The following PRKG1 variants were observed in gnomAD, a reference collection of about 807,000 sequenced individuals.
The protein encoded by PRKG1 is cGMP-dependent protein kinase 1.
Under a neutral mutation model 88.1 loss-of-function variants are expected in PRKG1, and 35 were observed. The observed-to-expected ratio is 0.40, with a 90% CI of 0.30 to 0.53. The LOEUF is 0.53. Among genes scored for constraint, PRKG1 ranks in the 20% least tolerant of loss-of-function variants. PRKG1 has a pLI of 0.59. For synonymous variants in PRKG1, 303 were observed against 292.5 expected (o/e 1.04, Z -0.37); for missense variants, 540 against 839.8 (o/e 0.64, Z 4.41).
chr10:51,278,245 T>C (rs11594433), intron 2 of PRKG1, among the ~76,000 whole-genome samples: 32,751 of 152,022 alleles, frequency 0.22, 4,706 homozygotes, highest in African/African-American at 0.41. Context: ...TGTTTGTATG[T>C]TGGATTACGT....
intron 17 of PRKG1, among the ~76,000 whole-genome samples, chr10:52,291,213 G>A (rs1210766093): frequency 4.0e-5 from 6 of 151,442 alleles, no homozygotes; most frequent in East Asian, 1.9e-4. Context: ...TGAGCACCGC[G>A]CTGGGCCTAC....
rs113146187 is a variant in PRKG1 at position 51,045,307 on chromosome 10, A to ATATT, written c.266+53689_266+53692dup. 2.5e-3 allele frequency among the ~76,000 whole-genome samples: 378 copies of ATATT among 150,960 alleles called. 1 individual carries two copies. Among genetic ancestry groups the ATATT allele is most frequent in the African/African-American group, 5.9e-3 (240 of 40,764 alleles). ...TGTTTTAGAACTACCATAGAAAAAA[A>ATATT]TATTTATTTATTTATTTATTTATTT... On this transcript the variant is annotated intron_variant, in intron 1 of 17. Transcript: ENST00000401604.
intron 2 of PRKG1, among the ~76,000 whole-genome samples, chr10:51,201,732 T>C (rs1402171847): frequency 6.6e-6 from 1 of 152,152 alleles, no homozygotes; most frequent in East Asian, 1.9e-4. Context: ...ATTTCTGCCA[T>C]GTGAGGATAC....
intron 1 of PRKG1, among the ~76,000 whole-genome samples, chr10:51,005,480 G>A (rs969611596): frequency 1.6e-4 from 25 of 152,232 alleles, no homozygotes; most frequent in African/African-American, 6.0e-4. Context: ...CCAGTGACAT[G>A]GTAAGCTGGA....
chr10:51,247,563 T>C (rs1430734923), intron 2 of PRKG1, among the ~76,000 whole-genome samples: 2 of 151,856 alleles, frequency 1.3e-5, no homozygotes, highest in African/African-American at 4.8e-5. Context: ...AAAACAAAAA[T>C]TGTTTGCCTT....
At chr10:51,262,128 C>T (rs1286285987) in intron 2 of PRKG1, among the ~76,000 whole-genome samples, 4 of 151,952 alleles carry the variant, frequency 2.6e-5, no homozygotes, top group East Asian at 1.9e-4. Flanking sequence ...CCTCGTGATC[C>T]GCCCGCCTCG....
At chr10:52,265,818 T>C (rs1159896199) in intron 10 of PRKG1, among the ~76,000 whole-genome samples, 3 of 152,124 alleles carry the variant, frequency 2.0e-5, no homozygotes, top group Non-Finnish European at 4.4e-5. Context: ...CACCTTAAGA[T>C]CTACTTGGCC....
At position 51,991,766 on chromosome 10, in the gene PRKG1, A is replaced by G. The variant is rs377551024; in HGVS notation, c.763-62718A>G. On this transcript the variant is annotated intron_variant, in intron 5 of 17. Coordinates refer to ENST00000373980, the MANE Select transcript of PRKG1 (RefSeq NM_006258.4). ...TGGTGTATATGTGCCACATTTTCTT[A>G]ATCCAGTCTATCATTGATGGACATT... Among the ~76,000 whole-genome samples, 38 of 152,240 alleles carry G rather than the reference A, an allele frequency of 2.5e-4. No individual in the cohort carries two copies. In the East Asian group the frequency reaches 6.4e-3, roughly 26 times the overall value.
chr10:51,376,851 T>A (rs1472981856), intron 2 of PRKG1, among the ~76,000 whole-genome samples: 1 of 152,142 alleles, frequency 6.6e-6, no homozygotes, highest in African/African-American at 2.4e-5. Flanking sequence ...ATTTTGTATT[T>A]TTTTTAGTGG....
At chr10:51,172,151 AAAT>A (rs537142157) in intron 2 of PRKG1, among the ~76,000 whole-genome samples, 43 of 152,204 alleles carry the variant, frequency 2.8e-4, no homozygotes, top group African/African-American at 1.0e-3. Flanking sequence ...TTCAGTGATG[AAAT>A]AATGAGTCAC....
chr10:51,895,362 A>C (rs1211129652), intron 4 of PRKG1, among the ~76,000 whole-genome samples: 1 of 152,170 alleles, frequency 6.6e-6, no homozygotes, highest in Non-Finnish European at 1.5e-5. Flanking sequence ...TGTGTTGCCC[A>C]ATCCCTTCTG....
chr10:50,994,347 TA>T (rs1216927560), intron 1 of PRKG1, among the ~76,000 whole-genome samples: 3 of 151,564 alleles, frequency 2.0e-5, no homozygotes, highest in African/African-American at 7.3e-5. Flanking sequence ...AAAAATTGTT[TA>T]AAAATGTTCA....
chr10:52,035,363 C>T (rs1004416807), intron 5 of PRKG1, among the ~76,000 whole-genome samples: 1 of 152,068 alleles, frequency 6.6e-6, no homozygotes, highest in Non-Finnish European at 1.5e-5. Flanking sequence ...ACTAGAATAG[C>T]AGATGGAACA....
chr10:51,393,783 T>C (rs1344084721), intron 2 of PRKG1, among the ~76,000 whole-genome samples: 2 of 152,206 alleles, frequency 1.3e-5, no homozygotes, highest in African/African-American at 4.8e-5. Context: ...CATATGACTT[T>C]TGTCTTATTG....
chr10:51,303,407 TG>T (rs1452518619), intron 2 of PRKG1, among the ~76,000 whole-genome samples: 4 of 151,846 alleles, frequency 2.6e-5, no homozygotes, highest in Middle Eastern at 3.2e-3. Context: ...CAGTTTAAGA[TG>T]GCCTCATGTG....
chr10:51,297,798 A>G (rs76360963), intron 2 of PRKG1, among the ~76,000 whole-genome samples: 4,242 of 152,192 alleles, frequency 0.028, 82 homozygotes, highest in Middle Eastern at 0.044. Context: ...ATAGGTTTTC[A>G]TCAGTTTTGA....
Position 51,334,152 on chromosome 10 carries a change from T to TCTCTCTC in PRKG1, c.479-133571_479-133570insCTCTCTC, listed in dbSNP as rs1841809659. 8.7e-5 allele frequency among the ~76,000 whole-genome samples: 12 copies of TCTCTCTC among 137,230 alleles called. No individual in the cohort carries two copies. The East Asian group carries it at 1.1e-3, about 13-fold the overall frequency. The allele number at this position is 137,230 out of a possible 152,430, so 90.0% of individuals were successfully genotyped here. On this transcript the variant is annotated intron_variant, in intron 2 of 17. Transcript: ENST00000373980. ...GCCCTTCCTTTCTTTCTCTCTCTCT[T>TCTCTCTC]TCTCTCTCTCTCTCTCTCTCTCTCT...
intron 3 of PRKG1, among the ~76,000 whole-genome samples, chr10:51,785,033 A>T (rs1168346232): frequency 6.6e-6 from 1 of 151,548 alleles, no homozygotes; most frequent in Non-Finnish European, 1.5e-5. Flanking sequence ...TTCCTTCTTT[A>T]GGCCATAAAA....
intron 9 of PRKG1, among the ~76,000 whole-genome samples, chr10:52,243,003 AT>A: frequency 6.6e-6 from 1 of 152,314 alleles, no homozygotes; most frequent in Non-Finnish European, 1.5e-5. Context: ...ATTATTTAAA[AT>A]GAATATTTGC....
Sources: gnomAD v4.1 joint callset for allele counts (sites outside exome capture counted in the v4.1 genomes callset) on GRCh38, gnomAD v4.1.1 for gene constraint, MANE v1.5 for transcripts, NCBI Gene and HGNC (gene_info 2026-07-23, HGNC 2026-07-21) for gene names.